The following LSAMP variants were observed in gnomAD, a reference collection of about 807,000 sequenced individuals.
LSAMP encodes the protein limbic system-associated membrane protein.
In LSAMP, 7 loss-of-function variants were observed where a neutral mutation model predicts 38.6. That is an observed-to-expected ratio of 0.18 (90% confidence interval 0.10 to 0.34). The LOEUF is 0.34. Ranked by LOEUF, LSAMP falls within the 10% of genes least tolerant of loss-of-function variation. The pLI is 1.00. For synonymous variants in LSAMP, 154 were observed against 166.8 expected, an observed-to-expected ratio of 0.92 and a Z score of 0.59; for missense variants, 313 against 420.0, an observed-to-expected ratio of 0.75 and a Z score of 2.23.
chr3:115,925,348 C>A (rs1183672823), intron 3 of LSAMP, among the ~76,000 whole-genome samples: 1 of 152,116 alleles, frequency 6.6e-6, no homozygotes, highest in Non-Finnish European at 1.5e-5. Context: ...CAAAGGTATT[C>A]AAGAATTATA....
At chr3:116,223,809 C>T (rs1046612612) in intron 1 of LSAMP, among the ~76,000 whole-genome samples, 1 of 152,130 alleles carries the variant, frequency 6.6e-6, no homozygotes, top group Non-Finnish European at 1.5e-5. Flanking sequence ...ATGGTGATTC[C>T]AGTCCCACAA....
intron 3 of LSAMP, among the ~76,000 whole-genome samples, chr3:115,880,570 G>A (rs1470311109): frequency 6.6e-6 from 1 of 152,032 alleles, no homozygotes. Flanking sequence ...TGAAAATTCT[G>A]TTTGTTTACC....
At chr3:115,988,343 A>C (rs1939572720) in intron 3 of LSAMP, among the ~76,000 whole-genome samples, 1 of 152,166 alleles carries the variant, frequency 6.6e-6, no homozygotes, top group South Asian at 2.1e-4. Context: ...GCATGCCTAA[A>C]AGAGTAGTGC....
chr3:116,297,014 A>G (rs137950087), intron 1 of LSAMP, among the ~76,000 whole-genome samples: 166 of 152,288 alleles, frequency 1.1e-3, no homozygotes, highest in African/African-American at 3.8e-3. Flanking sequence ...TCTCTTGCCT[A>G]TCTTTGAAGA....
chr3:115,842,392 G>A, intron 5 of LSAMP, 66 bp downstream of exon 5: 6 of 1,564,246 alleles, frequency 3.8e-6, no homozygotes, highest in African/African-American at 1.4e-5. Context: ...TGGCTTTGTT[G>A]TGGGGATTCT....
intron 2 of LSAMP, among the ~76,000 whole-genome samples, chr3:116,083,377 G>T (rs1407768558): frequency 6.6e-6 from 1 of 152,166 alleles, no homozygotes; most frequent in Non-Finnish European, 1.5e-5. Flanking sequence ...ATAAATTTAG[G>T]AGGACTTAAA....
chr3:116,047,163 A>T (rs915595907), intron 2 of LSAMP, among the ~76,000 whole-genome samples: 3 of 152,220 alleles, frequency 2.0e-5, no homozygotes, highest in Non-Finnish European at 4.4e-5. Context: ...CAGTCTGATG[A>T]CTACTCTCTC....
chr3:115,964,384 A>T (rs944194859), intron 3 of LSAMP, among the ~76,000 whole-genome samples: 1 of 152,154 alleles, frequency 6.6e-6, no homozygotes, highest in Admixed American at 6.5e-5. Flanking sequence ...AAATGCAGCA[A>T]TAGTCATATA....
intron 3 of LSAMP, among the ~76,000 whole-genome samples, chr3:115,962,778 T>G (rs1336846903): frequency 6.6e-6 from 1 of 152,240 alleles, no homozygotes; most frequent in Non-Finnish European, 1.5e-5. Context: ...CATGGGTAGA[T>G]GGAGCCCCCA....
intron 1 of LSAMP, among the ~76,000 whole-genome samples, chr3:116,169,648 C>G (rs1235792148): frequency 6.6e-6 from 1 of 152,198 alleles, no homozygotes; most frequent in African/African-American, 2.4e-5. Context: ...GGCAGGCCTT[C>G]TAAAAATTAA....
chr3:116,214,350 C>A (rs1226880038), intron 1 of LSAMP, among the ~76,000 whole-genome samples: 1 of 152,112 alleles, frequency 6.6e-6, no homozygotes, highest in Non-Finnish European at 1.5e-5. Context: ...CTCTATAATT[C>A]TCCAGCCCAG....
chr3:116,203,306 T>C (rs1559781146), intron 1 of LSAMP, among the ~76,000 whole-genome samples: 1 of 152,164 alleles, frequency 6.6e-6, no homozygotes, highest in East Asian at 1.9e-4. Context: ...ATAGACAAAA[T>C]GTTTTTATCA....
At chr3:116,127,695 A>ATTTTTTTT (rs67470158) in intron 1 of LSAMP, among the ~76,000 whole-genome samples, 2 of 96,654 alleles carry the variant, frequency 2.1e-5, no homozygotes, top group African/African-American at 3.6e-5. Flanking sequence ...GTGTTTGTTC[A>ATTTTTTTT]TTTTTTTTTT....
At position 116,044,959 on chromosome 3, in the gene LSAMP, AC is replaced by A. The variant is rs1265641935; in HGVS notation, c.389-25320del. Among the ~76,000 whole-genome samples the A allele has an allele frequency of 4.0e-3, 609 of 152,230 alleles. 4 individuals carry two copies. Among genetic ancestry groups the A allele is most frequent in the African/African-American group, 0.014 (597 of 41,496 alleles). ...AATGGAAAGAAAGAAAAAACAAAAA[AC>A]AAAAAAACCCAGGCTGCCATTTCTG... On this transcript the variant is annotated intron_variant, in intron 2 of 6. Transcript: ENST00000490035.
In LSAMP at chr3:115,809,316, G is replaced by A. The variant is rs1933730627; in HGVS notation, c.*1001C>T. On this transcript the variant is annotated 3_prime_UTR_variant, in exon 7 of 7. Coordinates refer to ENST00000490035, the MANE Select transcript of LSAMP (RefSeq NM_002338.5). ...GATGATGGGACTAGGAGGAATATGG[G>A]GTCCTGCCCTTGGAAGGAGCATAGC... The A allele has an allele frequency of 6.6e-6, 1 of 152,186 alleles. No individual in the cohort carries two copies. The highest frequency in any genetic ancestry group is 6.5e-5 in the Admixed American group (1 of 15,272). 9.4% of individuals were successfully genotyped at this position (152,186 alleles called of 1,614,324 possible). A position where few individuals can be genotyped will look rare whatever the true frequency, so the allele number is the denominator to read the frequency against.
intron 3 of LSAMP, among the ~76,000 whole-genome samples, chr3:115,974,379 GA>G: frequency 6.6e-6 from 1 of 151,916 alleles, no homozygotes; most frequent in Non-Finnish European, 1.5e-5. Flanking sequence ...AAAGAAAAAA[GA>G]AATAAAAAAG....
chr3:116,388,949 CA>C (rs1249298634), intron 1 of LSAMP, among the ~76,000 whole-genome samples: 4 of 152,072 alleles, frequency 2.6e-5, no homozygotes, highest in African/African-American at 9.7e-5. Flanking sequence ...AATAAATTGG[CA>C]TTAAGAAATA....
At chr3:116,356,468 A>T (rs13073414) in intron 1 of LSAMP, among the ~76,000 whole-genome samples, 46,874 of 152,048 alleles carry the variant, frequency 0.31, 9,884 homozygotes, top group African/African-American at 0.6. Flanking sequence ...GAAATGGGGA[A>T]GGCTAATAGG....
chr3:116,196,777 A>G (rs2107587565), intron 1 of LSAMP, among the ~76,000 whole-genome samples: 1 of 152,214 alleles, frequency 6.6e-6, no homozygotes, highest in East Asian at 1.9e-4. Flanking sequence ...TTTGCTCCCC[A>G]TTATTTCATT....
Sources: allele counts gnomAD v4.1 joint callset (sites outside exome capture counted in the v4.1 genomes callset), GRCh38; gene constraint gnomAD v4.1.1; transcripts MANE v1.5; gene names NCBI Gene and HGNC (gene_info 2026-07-23, HGNC 2026-07-21).